Variants in MZT2A observed in about 807,000 individuals in gnomAD.
The protein encoded by MZT2A is mitotic-spindle organizing protein 2A.
A neutral mutation model predicts 12.4 loss-of-function variants in MZT2A; 8 were observed. The ratio of observed to expected loss-of-function variants is 0.64; its 90% CI spans 0.38 to 1.16. MZT2A has a LOEUF of 1.16. Ranked by LOEUF, MZT2A falls within the 50% of genes most tolerant of loss-of-function variation. MZT2A has a pLI of 0.01. For missense variants in MZT2A, 181 were observed against 223.6 expected, an observed-to-expected ratio of 0.81 and a Z score of 1.22; for synonymous variants, 88 against 107.5, an observed-to-expected ratio of 0.82 and a Z score of 1.12.
At chr2:131,471,747 C>T (rs1182061104) in intron 3 of MZT2A, among the ~76,000 whole-genome samples, 2 of 151,136 alleles carry the variant, frequency 1.3e-5, no homozygotes, top group South Asian at 2.1e-4. Context: ...TCAGAATGGG[C>T]GGGGCTGGGG....
chr2:131,486,441 C>T lies in MZT2A; in HGVS notation c.320-2223G>A, dbSNP rs184153368. ...GGGTGCTTAGGTGCCCATGCGCTCT[C>T]AGCTCCCCACAGCACGCAGCATGGC... On this transcript the variant is annotated intron_variant, in intron 2 of 2. Coordinates refer to ENST00000309451, the MANE Select transcript of MZT2A (RefSeq NM_001085365.2). 1,036 of 158,992 alleles carry T rather than the reference C, an allele frequency of 6.5e-3. 8 individuals carry two copies. Among genetic ancestry groups the T allele is most frequent in the Non-Finnish European group, 0.011 (760 of 68,082 alleles). 9.8% of individuals were successfully genotyped at this position (158,992 alleles called of 1,614,324 possible).
chr2:131,469,808 C>CCTTT (rs1390873773), intron 4 of MZT2A: 2 of 131,504 alleles, frequency 1.5e-5, no homozygotes, highest in Non-Finnish European at 3.0e-5. Flanking sequence ...TCCTCCCCCC[C>CCTTT]TTTTTTTTTT....
intron 2 of MZT2A, among the ~76,000 whole-genome samples, chr2:131,472,424 CT>C (rs1223212046): frequency 1.3e-5 from 2 of 152,132 alleles, no homozygotes; most frequent in African/African-American, 4.8e-5. Context: ...CTCAATTTTT[CT>C]TTTGTCATTT....
At chr2:131,493,250 C>G, upstream of MZT2A, 2 of 1,348,272 alleles carry the variant, frequency 1.5e-6, no homozygotes, top group Non-Finnish European at 9.5e-7. Context: ...TCGGGCGGCC[C>G]GGCGGCTCTG....
intron 2 of MZT2A, among the ~76,000 whole-genome samples, chr2:131,485,465 G>A (rs549246521): frequency 3.5e-4 from 54 of 152,218 alleles, no homozygotes; most frequent in African/African-American, 1.2e-3. Context: ...CCCTCAGTGC[G>A]GTGTGCCTAG....
chr2:131,472,364 C>T (rs576571484), intron 2 of MZT2A, among the ~76,000 whole-genome samples: 1 of 152,278 alleles, frequency 6.6e-6, no homozygotes, highest in South Asian at 2.1e-4. Flanking sequence ...CTGTTTACTA[C>T]AAGTCAATTA....
chr2:131,483,025 C>T, downstream of MZT2A: 1 of 1,130,734 alleles, frequency 8.8e-7, no homozygotes, highest in Non-Finnish European at 1.2e-6. Context: ...CCAGCCTGCC[C>T]TGCTGCTGGT....
intron 2 of MZT2A, chr2:131,478,448 C>G: frequency 1.4e-6 from 2 of 1,449,892 alleles, no homozygotes; most frequent in South Asian, 2.7e-5. Context: ...TGGTAAAGCC[C>G]CGTGTGGGCT....
At chr2:131,475,345 T>TTTTTTAA (rs1678622323) in intron 2 of MZT2A, among the ~76,000 whole-genome samples, 1 of 123,174 alleles carries the variant, frequency 8.1e-6, no homozygotes, top group African/African-American at 4.2e-5. Context: ...TTTTTTTTTT[T>TTTTTTAA]GAAACGGAGT....
chr2:131,477,697 C>T (rs973748919), intron 2 of MZT2A, among the ~76,000 whole-genome samples: 4 of 151,044 alleles, frequency 2.6e-5, no homozygotes, highest in African/African-American at 4.9e-5. Flanking sequence ...GAATGATGGA[C>T]GGGGTAGAAC....
upstream of MZT2A, chr2:131,493,128 A>G (rs574626464): frequency 2.1e-5 from 31 of 1,482,494 alleles, no homozygotes; most frequent in African/African-American, 3.4e-4. Flanking sequence ...GGGCGACGCT[A>G]TGGGTCCCAC....
chr2:131,482,832 A>G, downstream of MZT2A: 1 of 1,614,034 alleles, frequency 6.2e-7, no homozygotes, highest in Non-Finnish European at 8.5e-7. Context: ...GAGGCTGAAG[A>G]AGGCGAAGAA....
At chr2:131,482,173 T>C (rs1482406430), downstream of MZT2A, among the ~76,000 whole-genome samples, 2 of 151,976 alleles carry the variant, frequency 1.3e-5, no homozygotes, top group East Asian at 3.9e-4. Flanking sequence ...TGGGGAAGAG[T>C]TGTGTACTCT....
At chr2:131,493,239 C>G (rs1679423972), upstream of MZT2A, 1 of 1,360,042 alleles carries the variant, frequency 7.4e-7, no homozygotes, top group South Asian at 1.8e-5. Context: ...AGCCCCAGGA[C>G]TCGGGCGGCC....
intron 2 of MZT2A, among the ~76,000 whole-genome samples, chr2:131,485,775 C>T (rs1679028760): frequency 6.6e-6 from 1 of 152,030 alleles, no homozygotes; most frequent in African/African-American, 2.4e-5. Flanking sequence ...AACTGGATTC[C>T]TGGAGAAAAG....
downstream of MZT2A, among the ~76,000 whole-genome samples, chr2:131,481,313 G>A (rs1360332404): frequency 6.6e-6 from 1 of 151,882 alleles, no homozygotes; most frequent in African/African-American, 2.4e-5. Context: ...TTGTCCCCCA[G>A]GCTGTAGTAT....
At chr2:131,474,136 T>C (rs549625533) in intron 2 of MZT2A, among the ~76,000 whole-genome samples, 6 of 151,156 alleles carry the variant, frequency 4.0e-5, no homozygotes, top group Non-Finnish European at 7.4e-5. Flanking sequence ...CTCGCTGTGT[T>C]GCCCAGGCTG....
At chr2:131,488,074 A>C (rs1032623514) in intron 2 of MZT2A, among the ~76,000 whole-genome samples, 4 of 152,080 alleles carry the variant, frequency 2.6e-5, no homozygotes, top group Non-Finnish European at 4.4e-5. Flanking sequence ...GTCCTTTGGC[A>C]TCTGCTGCGC....
rs997888368 is a variant in MZT2A, at chr2:131,490,596, G to A, written c.319+1280C>T. The stretch of plus-strand genomic sequence containing the variant: ...CCTGTGGCTAAGCGGCAGGGCAGCG[G>A]TGGCCTGCATGATCCTGCCCTTGCA... On this transcript the variant is annotated intron_variant, in intron 2 of 2. Transcript: ENST00000309451. 1.2e-5 allele frequency: 18 copies of A among 1,543,344 alleles called. 1 individual carries two copies. In the African/African-American group the frequency reaches 2.1e-4, roughly 18 times the overall value.
Sources: gnomAD v4.1 joint callset for allele counts (sites outside exome capture counted in the v4.1 genomes callset) on GRCh38, gnomAD v4.1.1 for gene constraint, MANE v1.5 for transcripts, NCBI Gene and HGNC (gene_info 2026-07-23, HGNC 2026-07-21) for gene names.